The following STX6 variants were observed in gnomAD, a reference collection of about 807,000 sequenced individuals.
The protein encoded by STX6 is syntaxin-6.
STX6 carries 23 observed loss-of-function variants against 38.0 expected under a neutral mutation model. That is an observed-to-expected ratio of 0.60 (90% CI 0.43 to 0.86). STX6 has a LOEUF of 0.86. Ranked by LOEUF, STX6 falls within the 40% of genes least tolerant of loss-of-function variation. STX6 has a pLI of 0.00. For synonymous variants in STX6, 123 were observed against 107.5 expected, an observed-to-expected ratio of 1.14 and a Z score of -0.89; for missense variants, 274 against 312.9, an observed-to-expected ratio of 0.88 and a Z score of 0.94.
intron 7 of STX6, among the ~76,000 whole-genome samples, chr1:180,984,405 G>C (rs992336191): frequency 1.3e-5 from 2 of 152,118 alleles, no homozygotes; most frequent in African/African-American, 2.4e-5. Context: ...AATTAGCTGG[G>C]TGTGGTGGCA....
chr1:180,999,774 A>G lies in STX6; in HGVS notation c.300+2832T>C, dbSNP rs115744716. Among the ~76,000 whole-genome samples the G allele has an allele frequency of 4.6e-3, 702 of 152,328 alleles. 7 individuals are homozygous for G. Among genetic ancestry groups the G allele is most frequent in the African/African-American group, 0.016 (671 of 41,560 alleles). On this transcript the variant is annotated intron_variant, in intron 3 of 7. Transcript: ENST00000258301. ...TAAAGTCAATCAAAATTTTGGAGCA[A>G]TATTAAATGAAAGCCCACTAGTAAT... is the stretch of plus-strand genomic sequence containing the variant.
chr1:180,990,993 C>T (rs770581127), intron 4 of STX6, among the ~76,000 whole-genome samples: 7 of 152,178 alleles, frequency 4.6e-5, no homozygotes, highest in Non-Finnish European at 8.8e-5. Context: ...AGCCAGAAGA[C>T]GCTAGCAACT....
chr1:180,992,660 CTA>C (rs1388256001), intron 4 of STX6, among the ~76,000 whole-genome samples: 1 of 152,186 alleles, frequency 6.6e-6, no homozygotes, highest in East Asian at 1.9e-4. Context: ...CAAAAAAAGT[CTA>C]AATCAAATCT....
chr1:181,003,418 T>G (rs1295932686), intron 2 of STX6, among the ~76,000 whole-genome samples: 1 of 152,204 alleles, frequency 6.6e-6, no homozygotes, highest in Non-Finnish European at 1.5e-5. Context: ...TTAAAACTTT[T>G]GTTTTTTTAA....
chr1:180,981,181 G>A (rs1412382450), intron 7 of STX6, among the ~76,000 whole-genome samples: 2 of 152,120 alleles, frequency 1.3e-5, no homozygotes, highest in African/African-American at 4.8e-5. Context: ...GGTCTTTGCG[G>A]ATGATTAATG....
At chr1:181,021,786 A>G (rs1656734215) in intron 1 of STX6, among the ~76,000 whole-genome samples, 1 of 152,252 alleles carries the variant, frequency 6.6e-6, no homozygotes, top group Non-Finnish European at 1.5e-5. Context: ...AAGATGAGCT[A>G]GGATAGCTTG....
Position 181,002,708 on chromosome 1 carries a change from A to G in STX6, c.206-8T>C. On this transcript the variant is annotated splice_region_variant and splice_polypyrimidine_tract_variant and intron_variant, in intron 2 of 7. Coordinates refer to ENST00000258301, the MANE Select transcript of STX6 (RefSeq NM_005819.6). ...GATTTGCTTCAACTATGCGTAGGTC[A>G]AAAAGTCAAGGTAAAACAATTTCAT... 2 of 1,596,038 alleles carry G rather than the reference A, an allele frequency of 1.3e-6. No homozygotes were observed. Among genetic ancestry groups the G allele is most frequent in the Non-Finnish European group, 1.7e-6 (2 of 1,164,418 alleles).
At chr1:180,996,364 G>A (rs140924442) in intron 3 of STX6, among the ~76,000 whole-genome samples, 1 of 152,248 alleles carries the variant, frequency 6.6e-6, no homozygotes, top group East Asian at 1.9e-4. Context: ...AGAGAGTTCA[G>A]TGAACAGACA....
At chr1:180,983,831 G>A (rs1037680512) in intron 7 of STX6, among the ~76,000 whole-genome samples, 1 of 152,020 alleles carries the variant, frequency 6.6e-6, no homozygotes, top group South Asian at 2.1e-4. Context: ...TTGGGAGGCC[G>A]AGGCGGGCAG....
At chr1:181,019,255 C>G (rs3845421) in intron 1 of STX6, among the ~76,000 whole-genome samples, 1 of 151,548 alleles carries the variant, frequency 6.6e-6, no homozygotes, top group Non-Finnish European at 1.5e-5. Context: ...GGTGTTCTCA[C>G]CCATGAGGCA....
chr1:181,007,951 T>A (rs1656275327), intron 1 of STX6, among the ~76,000 whole-genome samples: 1 of 152,238 alleles, frequency 6.6e-6, no homozygotes, highest in Non-Finnish European at 1.5e-5. Flanking sequence ...GATTCTCATA[T>A]CCACTTCTAC....
At chr1:181,013,200 C>G (rs549229056) in intron 1 of STX6, among the ~76,000 whole-genome samples, 4 of 152,004 alleles carry the variant, frequency 2.6e-5, no homozygotes, top group African/African-American at 9.6e-5. Context: ...TGCATCTAAC[C>G]AAGTTTGCCA....
chr1:180,982,622 G>A lies in STX6; in HGVS notation c.691+2055C>T, dbSNP rs566991260. Among the ~76,000 whole-genome samples the A allele has an allele frequency of 5.9e-5, 9 of 152,328 alleles. No homozygotes were observed. The South Asian group carries it at 1.9e-3, about 32-fold the overall frequency. On this transcript the variant is annotated intron_variant, in intron 7 of 7. Coordinates refer to ENST00000258301, the MANE Select transcript of STX6 (RefSeq NM_005819.6). The stretch of plus-strand genomic sequence containing the variant: ...TGGGAAACAAAGACAGTGCATCTTT[G>A]TTCACTTGCTCTTCCCCAAACAGAA...
intron 7 of STX6, among the ~76,000 whole-genome samples, chr1:180,981,269 G>A (rs763581271): frequency 1.1e-4 from 17 of 152,024 alleles, no homozygotes; most frequent in Non-Finnish European, 2.2e-4. Flanking sequence ...TTATGCATGG[G>A]GGAAGGGGGC....
intron 5 of STX6, among the ~76,000 whole-genome samples, chr1:180,989,741 C>T (rs1244734239): frequency 6.6e-6 from 1 of 152,110 alleles, no homozygotes; most frequent in African/African-American, 2.4e-5. Context: ...GCCTCAGCCT[C>T]CTCAGTAGCT....
Position 180,988,253 on chromosome 1 carries a change from C to G in STX6, c.582G>C (p.Leu194=). The stretch of plus-strand genomic sequence containing the variant: ...TCAATACTCACACTGCCTGTTCCTC[C>G]AGCTCCCCTCCGATGCGCTGGGACA... The part of the protein sequence containing the change: ...KNMSQRIGGE[L]EEQAVMLEDF... The change falls in exon 6 of 8, where the codon CTG becomes CTC. Residue 194 remains leucine (L), a synonymous_variant. Transcript: ENST00000258301. 6.2e-7 allele frequency: 1 copy of G among 1,613,776 alleles called. No homozygotes were observed. Among genetic ancestry groups the G allele is most frequent in the Non-Finnish European group, 8.5e-7 (1 of 1,179,726 alleles).
At chr1:181,010,079 AG>A (rs1211165789) in intron 1 of STX6, among the ~76,000 whole-genome samples, 2 of 152,192 alleles carry the variant, frequency 1.3e-5, no homozygotes, top group Non-Finnish European at 2.9e-5. Context: ...ACATGGGGGA[AG>A]GACCAGAAGG....
At chr1:180,978,197 G>T (rs184242063) in intron 7 of STX6, among the ~76,000 whole-genome samples, 1 of 152,148 alleles carries the variant, frequency 6.6e-6, no homozygotes, top group South Asian at 2.1e-4. Context: ...TCACTCTGTC[G>T]TAACAAGTAA....
intron 7 of STX6, among the ~76,000 whole-genome samples, chr1:180,981,005 T>C (rs1458711115): frequency 6.6e-6 from 1 of 152,018 alleles, no homozygotes; most frequent in Non-Finnish European, 1.5e-5. Flanking sequence ...AAAGGATCAG[T>C]AGTTTGGGGG....
Sources: allele counts gnomAD v4.1 joint callset (sites outside exome capture counted in the v4.1 genomes callset), GRCh38; gene constraint gnomAD v4.1.1; transcripts MANE v1.5; gene names NCBI Gene and HGNC (gene_info 2026-07-23, HGNC 2026-07-21).